Variants in GEMIN8 observed in about 807,000 individuals in gnomAD.
The protein encoded by GEMIN8 is gem-associated protein 8.
For synonymous variants in GEMIN8, 80 were observed against 78.5 expected, an observed-to-expected ratio of 1.02 and a Z score of -0.10; for missense variants, 185 against 205.9, an observed-to-expected ratio of 0.90 and a Z score of 0.62.
At chrX:13,999,643 T>C in the GEMIN8 span, among the ~76,000 whole-genome samples, 1 of 111,822 alleles carries the variant, frequency 8.9e-6, no homozygotes, top group Non-Finnish European at 1.9e-5. Flanking sequence ...CCACATTGCA[T>C]TTAGTTGTCA....
the GEMIN8 span, among the ~76,000 whole-genome samples, chrX:13,987,220 G>A: frequency 9.8e-5 from 11 of 111,887 alleles, no homozygotes; most frequent in African/African-American, 3.6e-4. Flanking sequence ...GTAATGGCCT[G>A]TTGACTTGGG....
chrX:14,021,564 T>C, intron 2 of GEMIN8, 53 bp from the exon 3 acceptor site: 1 of 871,139 alleles, frequency 1.1e-6, no homozygotes. Flanking sequence ...CTGTGTGATA[T>C]TTGTGGCTAT....
chrX:14,004,320 G>A (rs1036358783), downstream of GEMIN8, among the ~76,000 whole-genome samples: 1 of 111,997 alleles, frequency 8.9e-6, no homozygotes, highest in African/African-American at 3.2e-5. Context: ...CTGTAGATGG[G>A]CACTTAATTT....
At position 14,025,619 on chromosome X, in the gene GEMIN8, A is replaced by T. The variant is rs776373785; in HGVS notation, c.-34+521T>A. ...GAGGCAAGAAAACTGACTATGACCA[A>T]TAGCAATCATGTTGACCGGTTGCTA... On this transcript the variant is annotated intron_variant, in intron 2 of 4. Transcript: ENST00000680255. Among the ~76,000 whole-genome samples, 10 of 112,098 alleles carry T rather than the reference A, an allele frequency of 8.9e-5. No individual in the cohort carries two copies. The South Asian group carries it at 3.4e-3, about 38-fold the overall frequency.
intron 1 of GEMIN8, chrX:14,027,002 TA>T (rs1924729521): frequency 8.9e-6 from 1 of 112,575 alleles, no homozygotes; most frequent in Non-Finnish European, 1.9e-5. Flanking sequence ...AGGTCTTCAG[TA>T]CACACTGTTT....
At chrX:14,011,140 ATC>A (rs1412312166) in intron 4 of GEMIN8, among the ~76,000 whole-genome samples, 1 of 112,011 alleles carries the variant, frequency 8.9e-6, no homozygotes, top group East Asian at 2.8e-4. Flanking sequence ...CCCTGGGGGC[ATC>A]TCTGTTTTTC....
At chrX:13,986,897 A>T in the GEMIN8 span, among the ~76,000 whole-genome samples, 4 of 112,787 alleles carry the variant, frequency 3.5e-5, no homozygotes, top group Admixed American at 9.4e-5. Context: ...CCAACAAGAA[A>T]GTATTCACTA....
intron 1 of GEMIN8, 117 bp from the exon 2 acceptor site, chrX:14,026,338 C>A: frequency 1.3e-6 from 1 of 746,188 alleles, no homozygotes; most frequent in Non-Finnish European, 1.6e-6. Context: ...TGAGCCCAGG[C>A]GAGTACAGAG....
chrX:13,995,507 A>G, the GEMIN8 span, among the ~76,000 whole-genome samples: 17 of 111,860 alleles, frequency 1.5e-4, no homozygotes, highest in Admixed American at 1.2e-3. Flanking sequence ...CAGTGACTTA[A>G]AGCACACAGA....
At chrX:14,003,383 C>A (rs968258640), downstream of GEMIN8, among the ~76,000 whole-genome samples, 2 of 112,761 alleles carry the variant, frequency 1.8e-5, no homozygotes, top group South Asian at 7.3e-4. Context: ...TGGTTAATTT[C>A]TCTGTGCTTC....
intron 2 of GEMIN8, among the ~76,000 whole-genome samples, chrX:14,022,528 T>C (rs1432662318): frequency 8.9e-6 from 1 of 111,951 alleles, no homozygotes; most frequent in African/African-American, 3.3e-5. Context: ...GATTTGCTGA[T>C]TCGATGCATG....
intron 4 of GEMIN8, among the ~76,000 whole-genome samples, chrX:14,012,243 G>C: frequency 9.3e-6 from 1 of 107,341 alleles, no homozygotes; most frequent in Non-Finnish European, 1.9e-5. Flanking sequence ...TTGGTTTCCT[G>C]AGTAGCTGGG....
At chrX:13,989,581 C>A in the GEMIN8 span, among the ~76,000 whole-genome samples, 10 of 112,838 alleles carry the variant, frequency 8.9e-5, no homozygotes, top group African/African-American at 2.9e-4. Context: ...AGAAACTCTT[C>A]CTGCCTTCTA....
the GEMIN8 span, among the ~76,000 whole-genome samples, chrX:13,999,759 AT>A: frequency 2.7e-5 from 3 of 111,423 alleles, no homozygotes; most frequent in Non-Finnish European, 5.6e-5. Flanking sequence ...ATGCCCCTCA[AT>A]TTGGGCTTAT....
At chrX:14,004,764 T>C (rs1194778934), downstream of GEMIN8, among the ~76,000 whole-genome samples, 1 of 111,698 alleles carries the variant, frequency 9.0e-6, no homozygotes, top group East Asian at 2.8e-4. Flanking sequence ...GGTTTCACCA[T>C]ATTGGCCAGG....
At chrX:14,015,816 A>C (rs776716050) in intron 4 of GEMIN8, among the ~76,000 whole-genome samples, 2 of 112,323 alleles carry the variant, frequency 1.8e-5, no homozygotes, top group South Asian at 7.3e-4. Context: ...AAATGAAACA[A>C]AAAACTTGAA....
At chrX:14,002,956 C>T (rs1042564701), downstream of GEMIN8, among the ~76,000 whole-genome samples, 4 of 111,371 alleles carry the variant, frequency 3.6e-5, no homozygotes, top group Non-Finnish European at 5.6e-5. Context: ...TCTCATTGTT[C>T]GCTTTACCTC....
At position 14,009,152 on chromosome X, in the gene GEMIN8, C is replaced by T. The variant is rs1923354071; in HGVS notation, c.490G>A (p.Asp164Asn). Residue 164 changes from aspartate (D) to asparagine (N), a missense_variant, in exon 5 of 5, where the codon GAT becomes AAT. Coordinates refer to ENST00000680255, the MANE Select transcript of GEMIN8 (RefSeq NM_001042479.2). ...REERRRQQQL[D>N]AERLDSYVNA... ...ACATAGCTGTCCAGGCGCTCTGCAT[C>T]CAGCTGCTGCTGCCGCCCTGAGAAC... 8.3e-7 allele frequency: 1 copy of T among 1,209,761 alleles called. No individual in the cohort carries two copies. The highest frequency in any genetic ancestry group is 2.2e-5 in the Admixed American group (1 of 45,842).
chrX:13,993,989 C>T, the GEMIN8 span, among the ~76,000 whole-genome samples: 20 of 111,143 alleles, frequency 1.8e-4, no homozygotes, highest in South Asian at 5.0e-3. Flanking sequence ...AGAAGTAGTA[C>T]CTGTCATACC....
Sources: allele counts gnomAD v4.1 joint callset (sites outside exome capture counted in the v4.1 genomes callset), GRCh38; gene constraint gnomAD v4.1.1; transcripts MANE v1.5; gene names NCBI Gene and HGNC (gene_info 2026-07-23, HGNC 2026-07-21).